BRD1: variants seen among roughly 807,000 people sequenced by gnomAD.
BRD1 encodes the protein bromodomain-containing protein 1.
In BRD1, 24 loss-of-function variants were observed where a neutral mutation model predicts 107.7. The observed-to-expected ratio is 0.22, with a 90% CI of 0.16 to 0.31. BRD1 has a LOEUF of 0.31. BRD1 is among the 10% of genes least tolerant of loss of function. BRD1 has a pLI of 1.00. For missense variants in BRD1, 1,279 were observed against 1,638.6 expected (o/e 0.78, Z 3.79); for synonymous variants, 744 against 686.1 (o/e 1.08, Z -1.32).
At chr22:49,798,883 G>A (rs2059586844) in intron 4 of BRD1, 105 bp downstream of exon 4, 1 of 1,482,810 alleles carries the variant, frequency 6.7e-7, no homozygotes, top group African/African-American at 1.4e-5. Flanking sequence ...CACTGCTGTG[G>A]GCCAGGACCC....
chr22:49,777,081 G>C lies in BRD1; in HGVS notation c.3074C>G (p.Ser1025Cys), dbSNP rs865872122. 1 of 1,613,238 alleles carries C rather than the reference G, an allele frequency of 6.2e-7. No homozygotes were observed. Among genetic ancestry groups the C allele is most frequent in the Non-Finnish European group, 8.5e-7 (1 of 1,180,018 alleles). ...GGCGTAGTTCCCATTCTCGATGCAGGAGATCAGCTCACTGCGGTCCTCCAG... is the reference window on the plus strand; with the variant it reads ...GGCGTAGTTCCCATTCTCGATGCAGCAGATCAGCTCACTGCGGTCCTCCAG... ...HTLEDRSELI[S>C]CIENGNYAKA... The change falls in exon 10 of 13, where the codon TCC becomes TGC. Residue 1025 changes from serine to cysteine, a missense_variant. Physicochemically the swap from Ser to Cys is moderately radical, Grantham distance 112. Transcript: ENST00000404760.
chr22:49,774,461 G>A, intron 12 of BRD1, 45 bp from the exon 13 acceptor site: 1 of 1,573,760 alleles, frequency 6.4e-7, no homozygotes, highest in South Asian at 1.2e-5. Context: ...CTTGCACATG[G>A]TATTTCAGCA....
Position 49,798,997 on chromosome 22 carries a change from C to T in BRD1, c.1647G>A (p.Lys549=). The change falls in exon 4 of 13, where the codon AAG becomes AAA. Residue 549 remains lysine (K), a synonymous_variant. Transcript: ENST00000404760. ...ACAGGCCCAGCCCCACCTGCTCACG[C>T]TTGAGCTTCTCCCGCTTGCGCAGCA... is the stretch of plus-strand genomic sequence containing the variant. The part of the protein sequence containing the change: ...IELLRKREKL[K]REQVKVEQVA... 1.2e-6 allele frequency: 2 copies of T among 1,607,942 alleles called. No individual in the cohort carries two copies. Among genetic ancestry groups the T allele is most frequent in the Non-Finnish European group, 8.5e-7 (1 of 1,178,290 alleles).
At chr22:49,819,685 G>T (rs928833130) in intron 2 of BRD1, among the ~76,000 whole-genome samples, 1 of 151,344 alleles carries the variant, frequency 6.6e-6, no homozygotes, top group Non-Finnish European at 1.5e-5. Flanking sequence ...TCCTGACCTC[G>T]TGATCTACCC....
intron 2 of BRD1, among the ~76,000 whole-genome samples, chr22:49,807,545 A>T (rs2059769276): frequency 6.6e-6 from 1 of 152,226 alleles, no homozygotes; most frequent in Admixed American, 6.5e-5. Context: ...TGGCACCAGG[A>T]CAAGTGGATA....
rs964853927 is a variant in BRD1, at chr22:49,783,888, C to T, written c.2857+3502G>A. ...ATCTTTGTGCATTCCAAAACGGCCG[C>T]TTAGCAGAACTCCAGTCCAAGTTGA... On this transcript the variant is annotated intron_variant, in intron 8 of 12. Transcript: ENST00000404760. This position sits in a 1 kb window ranked among gnomAD's most constrained non-coding sequence, Gnocchi z 4.2. 6.6e-5 allele frequency among the ~76,000 whole-genome samples: 10 copies of T among 152,240 alleles called. No individual in the cohort carries two copies. Among genetic ancestry groups the T allele is most frequent in the Admixed American group, 4.6e-4 (7 of 15,288 alleles).
At chr22:49,777,292 C>T in intron 9 of BRD1, 131 bp from the exon 10 acceptor site, 1 of 1,397,094 alleles carries the variant, frequency 7.2e-7, no homozygotes, top group Non-Finnish European at 9.8e-7. Context: ...GCCAGACGGG[C>T]CTGTGGGTGC....
chr22:49,826,169 G>C, intron 1 of BRD1: 1 of 985,418 alleles, frequency 1.0e-6, no homozygotes, highest in Admixed American at 6.1e-5. Context: ...AAACGAACCT[G>C]TCATTTTCCC....
intron 2 of BRD1, among the ~76,000 whole-genome samples, chr22:49,822,069 TC>T (rs1379844952): frequency 2.0e-5 from 3 of 152,368 alleles, no homozygotes; most frequent in Admixed American, 6.5e-5. Context: ...GGGTTGAAAG[TC>T]ATACAGAGTT....
chr22:49,810,968 A>G (rs770593951), intron 2 of BRD1, among the ~76,000 whole-genome samples: 1 of 152,234 alleles, frequency 6.6e-6, no homozygotes, highest in African/African-American at 2.4e-5. Flanking sequence ...AGCATTGTTC[A>G]TAATAGCTCC....
chr22:49,803,633 C>T lies in BRD1; in HGVS notation c.1524+571G>A, dbSNP rs917138458. On this transcript the variant is annotated intron_variant, in intron 3 of 12. Coordinates refer to ENST00000404760, the MANE Select transcript of BRD1 (RefSeq NM_001304808.3). The surrounding 1 kb of genome is among the most constrained non-coding windows in gnomAD (Gnocchi z 4.4). ...CAAAATGTAAGAGTTTGGGTTTGTT[C>T]TTTTAAAAAGGAAAAGTCCTGCTCC... 2.0e-5 allele frequency among the ~76,000 whole-genome samples: 3 copies of T among 152,170 alleles called. No homozygotes were observed. Among genetic ancestry groups the T allele is most frequent in the African/African-American group, 7.2e-5 (3 of 41,426 alleles).
intron 12 of BRD1, 114 bp downstream of exon 12, chr22:49,775,477 G>T: frequency 9.4e-7 from 1 of 1,066,710 alleles, no homozygotes; most frequent in Non-Finnish European, 1.2e-6. Flanking sequence ...GACTTTAGCT[G>T]TGCCAGGGCC....
intron 8 of BRD1, among the ~76,000 whole-genome samples, chr22:49,781,284 C>T (rs996477675): frequency 6.6e-6 from 1 of 152,210 alleles, no homozygotes; most frequent in African/African-American, 2.4e-5. Flanking sequence ...TCACCAGGTA[C>T]GTCCACAGCA....
At chr22:49,820,587 C>G (rs116615715) in intron 2 of BRD1, among the ~76,000 whole-genome samples, 5,709 of 152,226 alleles carry the variant, frequency 0.038, 390 homozygotes, top group African/African-American at 0.13. Context: ...ACGTGGGCAA[C>G]AGAACAAGAC....
rs915248079 is a variant in BRD1, at chr22:49,790,736, C to G, written c.2360-2849G>C. Among the ~76,000 whole-genome samples, 12 of 152,362 alleles carry G rather than the reference C, an allele frequency of 7.9e-5. 1 individual carries two copies. The highest frequency in any genetic ancestry group is 2.0e-4 in the Admixed American group (3 of 15,306). On this transcript the variant is annotated intron_variant, in intron 7 of 12. Coordinates refer to ENST00000404760, the MANE Select transcript of BRD1 (RefSeq NM_001304808.3). ...CACACTGTCCCTCCAACAACCCTGC[C>G]TCAAGCCTCCGTCCTCTGCAATCCT...
At chr22:49,781,429 G>A (rs2059205771) in intron 8 of BRD1, among the ~76,000 whole-genome samples, 1 of 152,218 alleles carries the variant, frequency 6.6e-6, no homozygotes, top group African/African-American at 2.4e-5. Flanking sequence ...CTGCAGGTCT[G>A]ACTGATGGGC....
At chr22:49,812,610 C>A (rs2059870608) in intron 2 of BRD1, among the ~76,000 whole-genome samples, 1 of 152,180 alleles carries the variant, frequency 6.6e-6, no homozygotes. Flanking sequence ...GCAAACTGGG[C>A]CACCTCCATG....
chr22:49,785,492 C>T (rs1313070032), intron 8 of BRD1, among the ~76,000 whole-genome samples: 1 of 152,218 alleles, frequency 6.6e-6, no homozygotes, highest in Non-Finnish European at 1.5e-5. Flanking sequence ...CACCCTGACC[C>T]GATTCATCAC....
At chr22:49,775,875 C>CT in intron 11 of BRD1, 130 bp from the exon 12 acceptor site, 3 of 1,193,320 alleles carry the variant, frequency 2.5e-6, no homozygotes, top group Non-Finnish European at 3.4e-6. Context: ...CCACGCCCCC[C>CT]TCGCCGAACC....
Sources: gnomAD v4.1 joint callset for allele counts (sites outside exome capture counted in the v4.1 genomes callset) on GRCh38, gnomAD v4.1.1 for gene constraint, Gnocchi (gnomAD v3.1) non-coding constraint, MANE v1.5 for transcripts, NCBI Gene and HGNC (gene_info 2026-07-23, HGNC 2026-07-21) for gene names.